COL16A1: variants seen among roughly 807,000 people sequenced by gnomAD.
The protein encoded by COL16A1 is collagen type XVI alpha 1 chain.
Under a neutral mutation model 266.3 loss-of-function variants are expected in COL16A1, and 189 were observed. The observed-to-expected ratio is 0.71, with a 90% CI of 0.63 to 0.80. The LOEUF (loss-of-function observed/expected upper bound fraction) is 0.80, where lower values mean the gene tolerates loss of function less well. Among genes scored for constraint, COL16A1 ranks in the 30% least tolerant of loss-of-function variants. The pLI, the probability that COL16A1 is intolerant of heterozygous loss-of-function variation, is 0.00. For missense variants in COL16A1, 1,928 were observed against 2,122.4 expected (o/e 0.91, Z 1.80); for synonymous variants, 740 against 782.3 (o/e 0.95, Z 0.90).
rs1211168461 is a variant in COL16A1 at position 31,657,276 on chromosome 1, C to G, written c.4021-208G>C. The G allele has an allele frequency of 3.3e-6, 2 of 608,924 alleles. No homozygotes were observed. The highest frequency in any genetic ancestry group is 3.7e-5 in the African/African-American group (2 of 54,232). The allele number at this position is 608,924 out of a possible 1,614,324, so 37.7% of individuals were successfully genotyped here. ...GCGTGATCCCAGAGCCCCAACAGCT[C>G]CCAGCCCCCGTCTACAAGAGCTTTA... On this transcript the variant is annotated intron_variant, in intron 64 of 70. Coordinates refer to ENST00000373672, the MANE Select transcript of COL16A1 (RefSeq NM_001856.4). This position sits in a 1 kb window ranked among gnomAD's most constrained non-coding sequence, Gnocchi z 6.4.
chr1:31,701,827 C>G (rs921401216), intron 2 of COL16A1, among the ~76,000 whole-genome samples: 3 of 152,062 alleles, frequency 2.0e-5, no homozygotes, highest in African/African-American at 7.2e-5. Context: ...GGAGGTTGTT[C>G]TCTTACACAC....
At position 31,670,359 on chromosome 1, in the gene COL16A1, G is replaced by A. The variant is rs1642545096; in HGVS notation, c.3195+243C>T. 2.3e-6 allele frequency: 1 copy of A among 437,718 alleles called. No individual in the cohort carries two copies. Among genetic ancestry groups the A allele is most frequent in the African/African-American group, 2.0e-5 (1 of 48,834 alleles). 27.1% of individuals were successfully genotyped at this position (437,718 alleles called of 1,614,324 possible). ...AGAAGGAAGACAGAACGGGGTAAGA[G>A]AGAGAAGAGGAGAGAAAGAACGCAG... is the stretch of plus-strand genomic sequence containing the variant. On this transcript the variant is annotated intron_variant, in intron 49 of 70. Coordinates refer to ENST00000373672, the MANE Select transcript of COL16A1 (RefSeq NM_001856.4). This position sits in a 1 kb window ranked among gnomAD's most constrained non-coding sequence, Gnocchi z 4.5.
intron 4 of COL16A1, among the ~76,000 whole-genome samples, chr1:31,699,064 C>T (rs1166532276): frequency 6.6e-6 from 1 of 152,158 alleles, no homozygotes; most frequent in Non-Finnish European, 1.5e-5. Context: ...CACTGCACTC[C>T]AGCCTGGGCA....
Position 31,692,077 on chromosome 1 carries a change from G to A in COL16A1, c.1195-10C>T, listed in dbSNP as rs149599232. 2 of 1,613,672 alleles carry A rather than the reference G, an allele frequency of 1.2e-6. No individual in the cohort carries two copies. Among genetic ancestry groups the A allele is most frequent in the African/African-American group, 2.7e-5 (2 of 75,038 alleles). On this transcript the variant is annotated splice_polypyrimidine_tract_variant and intron_variant, in intron 16 of 70. Coordinates refer to ENST00000373672, the MANE Select transcript of COL16A1 (RefSeq NM_001856.4). Reference sequence around the variant, plus strand: ...TCTCGCCTTTCTGGCCCTGGGGAAGGAAGAAGCAGAGTGACCAGGATGAGG... The same window carrying A: ...TCTCGCCTTTCTGGCCCTGGGGAAGAAAGAAGCAGAGTGACCAGGATGAGG...
chr1:31,702,077 C>T, intron 2 of COL16A1, 44 bp downstream of exon 2: 1 of 1,613,528 alleles, frequency 6.2e-7, no homozygotes. Flanking sequence ...CCCAGGATAC[C>T]AGTTGCAGGC....
At chr1:31,676,099 C>T (rs986339054) in intron 42 of COL16A1, among the ~76,000 whole-genome samples, 26 of 152,122 alleles carry the variant, frequency 1.7e-4, no homozygotes, top group African/African-American at 4.3e-4. Flanking sequence ...CCGAGGTGGG[C>T]GGATCACCTG....
intron 33 of COL16A1, 25 bp from the exon 34 acceptor site, chr1:31,683,773 T>C (rs1230324773): frequency 6.2e-7 from 1 of 1,614,036 alleles, no homozygotes; most frequent in South Asian, 1.1e-5. Context: ...GGACAGTCCC[T>C]GGCTCGAGGT....
chr1:31,679,293 C>A, intron 42 of COL16A1: 2 of 1,061,784 alleles, frequency 1.9e-6, no homozygotes, highest in Non-Finnish European at 2.6e-6. Context: ...AGCAAATGTG[C>A]AAAAACACAT....
chr1:31,684,234 G>T lies in COL16A1; in HGVS notation c.2161-3C>A. Reference sequence around the variant, plus strand: ...GGGCAGGCAGTGCAGCCATCACCCTGGTCAGAGATGGGTACAGCCAGGAGC... The same window carrying T: ...GGGCAGGCAGTGCAGCCATCACCCTTGTCAGAGATGGGTACAGCCAGGAGC... On this transcript the variant is annotated splice_region_variant and splice_polypyrimidine_tract_variant and intron_variant, in intron 31 of 70. Coordinates refer to ENST00000373672, the MANE Select transcript of COL16A1 (RefSeq NM_001856.4). The T allele has an allele frequency of 6.7e-7, 1 of 1,484,674 alleles. No individual in the cohort carries two copies. The highest frequency in any genetic ancestry group is 9.0e-7 in the Non-Finnish European group (1 of 1,115,206). The allele number at this position is 1,484,674 out of a possible 1,614,324, so 92.0% of individuals were successfully genotyped here.
At chr1:31,690,192 C>T (rs1164974967) in intron 22 of COL16A1, among the ~76,000 whole-genome samples, 175 bp downstream of exon 22, 1 of 152,160 alleles carries the variant, frequency 6.6e-6, no homozygotes, top group Admixed American at 6.5e-5. Context: ...CCCAGCTCAC[C>T]CCTAAGCCAG....
rs760849938 is a variant in COL16A1, at chr1:31,652,617, A to G, written c.*34T>C. On this transcript the variant is annotated 3_prime_UTR_variant, in exon 71 of 71. Transcript: ENST00000373672. This position sits in a 1 kb window ranked among gnomAD's most constrained non-coding sequence, Gnocchi z 4.8. Reference sequence around the variant, plus strand: ...TATAAGCTTTGGCCATTTATTCCCAACGGAGTCTTTCATCCAAAGGCAGGT... The same window carrying G: ...TATAAGCTTTGGCCATTTATTCCCAGCGGAGTCTTTCATCCAAAGGCAGGT... 1.2e-5 allele frequency: 18 copies of G among 1,526,838 alleles called. No homozygotes were observed. The South Asian group carries it at 1.7e-4, about 14-fold the overall frequency. 94.6% of individuals were successfully genotyped at this position (1,526,838 alleles called of 1,614,324 possible).
chr1:31,689,637 A>G, intron 23 of COL16A1, 104 bp downstream of exon 23: 1 of 883,954 alleles, frequency 1.1e-6, no homozygotes, highest in Non-Finnish European at 1.9e-6. Context: ...CTCTGTAGCC[A>G]CGAGAAGTAC....
At position 31,685,964 on chromosome 1, in the gene COL16A1, C is replaced by G. The variant is rs1643950665; in HGVS notation, c.1884+127G>C. 6.7e-7 allele frequency: 1 copy of G among 1,498,724 alleles called. No individual in the cohort carries two copies. The highest frequency in any genetic ancestry group is 2.0e-5 in the Admixed American group (1 of 50,230). 92.8% of individuals were successfully genotyped at this position (1,498,724 alleles called of 1,614,324 possible). On this transcript the variant is annotated intron_variant, in intron 28 of 70. Transcript: ENST00000373672. This position sits in a 1 kb window ranked among gnomAD's most constrained non-coding sequence, Gnocchi z 4.0. ...GCTGAGTCATCAGGGGTCTCCATGC[C>G]TTGCTAAGGAGTCAGACTCTGCCCG...
chr1:31,668,698 C>T lies in COL16A1; in HGVS notation c.3249+104G>A. ...AGGGCAGAGAGTCTCAAGGAGTCCA[C>T]CTCCCAGCTTCCACTCAGCAGCCAC... is the stretch of plus-strand genomic sequence containing the variant. On this transcript the variant is annotated intron_variant, in intron 50 of 70. Coordinates refer to ENST00000373672, the MANE Select transcript of COL16A1 (RefSeq NM_001856.4). This position sits in a 1 kb window ranked among gnomAD's most constrained non-coding sequence, Gnocchi z 5.8. 1 of 1,260,062 alleles carries T rather than the reference C, an allele frequency of 7.9e-7. No homozygotes were observed. 78.1% of individuals were successfully genotyped at this position (1,260,062 alleles called of 1,614,324 possible).
intron 61 of COL16A1, 98 bp from the exon 62 acceptor site, chr1:31,660,736 T>C (rs2148665121): frequency 6.5e-7 from 1 of 1,538,248 alleles, no homozygotes; most frequent in Non-Finnish European, 8.9e-7. Flanking sequence ...TACATGGTAA[T>C]GCCAATGGCC....
intron 1 of COL16A1, among the ~76,000 whole-genome samples, chr1:31,703,225 T>C (rs777724314): frequency 1.3e-5 from 2 of 152,198 alleles, no homozygotes; most frequent in Non-Finnish European, 2.9e-5. Context: ...CTGTAGGTCT[T>C]CCTGTTGGGA....
intron 49 of COL16A1, chr1:31,669,960 G>A (rs1642505320): frequency 6.6e-6 from 1 of 152,388 alleles, no homozygotes; most frequent in Admixed American, 6.5e-5. Context: ...TGGGACTGGA[G>A]CCAAGGAAGA....
rs2148802240 is a variant in COL16A1 at position 31,690,475 on chromosome 1, C to T, written c.1482+54G>A. 6.2e-6 allele frequency: 10 copies of T among 1,614,192 alleles called. No individual in the cohort carries two copies. In the East Asian group the frequency reaches 6.7e-5, roughly 11 times the overall value. On this transcript the variant is annotated intron_variant, in intron 21 of 70. Transcript: ENST00000373672. ...TGAGGGCCGGAGGACCTAGCCCCTC[C>T]CTCCAGAGGCCTTGGAAGAGCCGAC...
Position 31,684,207 on chromosome 1 carries a change from T to TG in COL16A1, c.2184dup (p.Ser729GlnfsTer32). The stretch of plus-strand genomic sequence containing the variant: ...ATGTCTGTCACTGTCCCCTGCAGGC[T>TG]GGGGCAGGCAGTGCAGCCATCACCC... On this transcript the variant is annotated frameshift_variant, in exon 32 of 71. Transcript: ENST00000373672. LOFTEE classifies it high-confidence loss of function. 2.0e-6 allele frequency: 3 copies of TG among 1,517,754 alleles called. No homozygotes were observed. The highest frequency in any genetic ancestry group is 2.7e-6 in the Non-Finnish European group (3 of 1,129,834). 94.0% of individuals were successfully genotyped at this position (1,517,754 alleles called of 1,614,324 possible). A position where few individuals can be genotyped will look rare whatever the true frequency, so the allele number is the denominator to read the frequency against.
Sources: gnomAD v4.1 joint callset for allele counts (sites outside exome capture counted in the v4.1 genomes callset) on GRCh38, gnomAD v4.1.1 for gene constraint, Gnocchi (gnomAD v3.1) non-coding constraint, MANE v1.5 for transcripts, NCBI Gene and HGNC (gene_info 2026-07-23, HGNC 2026-07-21) for gene names.